Variants in ERC2 observed in about 807,000 individuals in gnomAD.
ERC2 encodes ELKS/RAB6-interacting/CAST family member 2.
Under a neutral mutation model 114.8 loss-of-function variants are expected in ERC2, and 42 were observed. That is an observed-to-expected ratio of 0.37 (90% CI 0.29 to 0.47). The LOEUF is 0.47. ERC2 is among the 20% of genes least tolerant of loss of function. The probability of loss-of-function intolerance (pLI) is 0.99; values close to 1 mark genes in which losing one functional copy is unlikely to be tolerated. For missense variants in ERC2, 939 were observed against 1,150.7 expected (o/e 0.82, Z 2.66); for synonymous variants, 454 against 425.5 (o/e 1.07, Z -0.82).
chr3:56,429,407 G>A (rs1259504685), intron 2 of ERC2, among the ~76,000 whole-genome samples: 4 of 152,154 alleles, frequency 2.6e-5, no homozygotes, highest in Admixed American at 1.3e-4. Flanking sequence ...TTCTACAGGT[G>A]TGACATTGAG....
chr3:55,723,489 G>GA (rs1002407273), intron 15 of ERC2, among the ~76,000 whole-genome samples: 14 of 151,304 alleles, frequency 9.3e-5, no homozygotes, highest in African/African-American at 1.7e-4. Context: ...GGGTAACATT[G>GA]AAAAAAAACA....
At chr3:55,905,647 G>T (rs1018093884) in intron 13 of ERC2, among the ~76,000 whole-genome samples, 7 of 152,160 alleles carry the variant, frequency 4.6e-5, no homozygotes, top group Non-Finnish European at 8.8e-5. Flanking sequence ...AGGCGGTATA[G>T]TATCTATTGC....
At chr3:56,229,797 A>G (rs2050489700) in intron 3 of ERC2, among the ~76,000 whole-genome samples, 1 of 149,544 alleles carries the variant, frequency 6.7e-6, no homozygotes, top group African/African-American at 2.5e-5. Context: ...AATTAGGAAC[A>G]TTCTGAGGCT....
chr3:56,126,807 G>GAAGGA (rs772412464), intron 6 of ERC2, among the ~76,000 whole-genome samples: 9,595 of 107,404 alleles, frequency 0.089, 564 homozygotes, highest in East Asian at 0.15. Context: ...AAAGGAAAGG[G>GAAGGA]AAGGAAAGGA....
At chr3:56,222,991 G>A (rs77943780) in intron 3 of ERC2, among the ~76,000 whole-genome samples, 4,418 of 152,234 alleles carry the variant, frequency 0.029, 226 homozygotes, top group African/African-American at 0.1. Context: ...CCCTCTATCT[G>A]CTCAGGGAGC....
intron 7 of ERC2, among the ~76,000 whole-genome samples, chr3:56,021,975 A>G (rs2073750922): frequency 6.6e-6 from 1 of 152,178 alleles, no homozygotes; most frequent in South Asian, 2.1e-4. Flanking sequence ...TCTGTCATTA[A>G]TGGGCATTTA....
At chr3:56,212,897 A>T (rs2049167973) in intron 3 of ERC2, among the ~76,000 whole-genome samples, 1 of 152,248 alleles carries the variant, frequency 6.6e-6, no homozygotes, top group Non-Finnish European at 1.5e-5. Flanking sequence ...ATGGAACTGG[A>T]GACCATTATT....
chr3:56,450,664 A>G (rs2062787835), intron 1 of ERC2, among the ~76,000 whole-genome samples: 1 of 152,008 alleles, frequency 6.6e-6, no homozygotes, highest in Admixed American at 6.6e-5. Flanking sequence ...CCATCTCTAC[A>G]AAAAATTCAA....
At chr3:55,612,036 A>T (rs1311858887) in intron 17 of ERC2, among the ~76,000 whole-genome samples, 2 of 152,146 alleles carry the variant, frequency 1.3e-5, no homozygotes, top group Non-Finnish European at 2.9e-5. Context: ...AAGCAATCCC[A>T]TCCCAGCCCC....
intron 3 of ERC2, among the ~76,000 whole-genome samples, chr3:56,252,018 A>T (rs1545920): frequency 0.2 from 29,959 of 152,076 alleles, 3,497 homozygotes; most frequent in East Asian, 0.55. Context: ...TAGCTGGTCA[A>T]GTTCCATGGC....
intron 7 of ERC2, among the ~76,000 whole-genome samples, chr3:56,019,633 T>TCAATGGAGTACAATGGAGTAAC (rs903825861): frequency 1.3e-5 from 2 of 152,180 alleles, no homozygotes; most frequent in African/African-American, 2.4e-5. Context: ...TAACAAGTAC[T>TCAATGGAGTACAATGGAGTAAC]AAACACTCCA....
intron 15 of ERC2, among the ~76,000 whole-genome samples, chr3:55,724,376 C>T (rs899041729): frequency 2.6e-5 from 4 of 152,140 alleles, no homozygotes; most frequent in African/African-American, 9.7e-5. Context: ...GCTTTTTAGC[C>T]TCAAGTTTAC....
At chr3:56,379,560 C>T (rs2059671179) in intron 2 of ERC2, among the ~76,000 whole-genome samples, 1 of 152,138 alleles carries the variant, frequency 6.6e-6, no homozygotes, top group Non-Finnish European at 1.5e-5. Flanking sequence ...GGTCACACTT[C>T]AAGCAGGTGG....
At chr3:55,894,474 A>T (rs1217612975) in intron 13 of ERC2, among the ~76,000 whole-genome samples, 5 of 152,212 alleles carry the variant, frequency 3.3e-5, no homozygotes, top group African/African-American at 1.2e-4. Context: ...CTACATATGC[A>T]TGTTTGTTAC....
chr3:55,795,524 G>A (rs771004733), intron 14 of ERC2, among the ~76,000 whole-genome samples: 7 of 152,138 alleles, frequency 4.6e-5, no homozygotes, highest in Admixed American at 1.3e-4. Flanking sequence ...CCTTTTCCCC[G>A]TTTAACTTGA....
chr3:55,934,611 G>T (rs929483038), intron 13 of ERC2, among the ~76,000 whole-genome samples: 1 of 152,072 alleles, frequency 6.6e-6, no homozygotes, highest in Non-Finnish European at 1.5e-5. Context: ...AAAAGAGATG[G>T]CCACTGACAT....
intron 6 of ERC2, among the ~76,000 whole-genome samples, chr3:56,109,592 A>G (rs1334104147): frequency 2.0e-5 from 3 of 152,200 alleles, no homozygotes; most frequent in Non-Finnish European, 2.9e-5. Context: ...TGCACATAAC[A>G]GAATATGATG....
chr3:55,959,424 G>A (rs1206824009), intron 12 of ERC2, among the ~76,000 whole-genome samples: 1 of 152,178 alleles, frequency 6.6e-6, no homozygotes, highest in Non-Finnish European at 1.5e-5. Context: ...CAAGGATGGA[G>A]AGCAGAGAGA....
chr3:55,510,163 C>G lies in ERC2; in HGVS notation c.*1153G>C, dbSNP rs916754211. 1 of 152,110 alleles carries G rather than the reference C, an allele frequency of 6.6e-6. No individual in the cohort carries two copies. The highest frequency in any genetic ancestry group is 1.5e-5 in the Non-Finnish European group (1 of 67,998). 9.4% of individuals were successfully genotyped at this position (152,110 alleles called of 1,614,324 possible). On this transcript the variant is annotated 3_prime_UTR_variant, in exon 18 of 18. Coordinates refer to ENST00000288221, the MANE Select transcript of ERC2 (RefSeq NM_015576.3). ...GTATCCACATACATGTTGTGTAGAG[C>G]TATATACAGAGACACAGCTTTTGTG... is the stretch of plus-strand genomic sequence containing the variant.
Sources: allele counts gnomAD v4.1 joint callset (sites outside exome capture counted in the v4.1 genomes callset), GRCh38; gene constraint gnomAD v4.1.1; transcripts MANE v1.5; gene names NCBI Gene and HGNC (gene_info 2026-07-23, HGNC 2026-07-21).